DAPK1: variants seen among roughly 807,000 people sequenced by gnomAD.
DAPK1 encodes death associated protein kinase 1, also known as death-associated protein kinase 1.
A neutral mutation model predicts 144.9 loss-of-function variants in DAPK1; 56 were observed. The observed-to-expected ratio is 0.39, with a 90% confidence interval of 0.31 to 0.48. The LOEUF (loss-of-function observed/expected upper bound fraction) is 0.48. Ranked by LOEUF, DAPK1 falls within the 20% of genes least tolerant of loss-of-function variation. DAPK1 has a pLI of 0.95. For synonymous variants in DAPK1, 690 were observed against 749.0 expected, an observed-to-expected ratio of 0.92 and a Z score of 1.29; for missense variants, 1,454 against 1,875.4, an observed-to-expected ratio of 0.78 and a Z score of 4.15.
At chr9:87,571,373 C>T (rs902211490) in intron 2 of DAPK1, among the ~76,000 whole-genome samples, 1 of 150,802 alleles carries the variant, frequency 6.6e-6, no homozygotes, top group Admixed American at 6.6e-5. Context: ...GGGAACTTGG[C>T]TCTGTGGGGA....
intron 19 of DAPK1, among the ~76,000 whole-genome samples, chr9:87,678,305 TTGTGGG>T (rs1824477442): frequency 6.6e-6 from 1 of 152,204 alleles, no homozygotes; most frequent in African/African-American, 2.4e-5. Flanking sequence ...AACACAGACC[TTGTGGG>T]AGCATGCGCA....
chr9:87,514,640 G>A (rs867303051), intron 2 of DAPK1, among the ~76,000 whole-genome samples: 4 of 152,240 alleles, frequency 2.6e-5, no homozygotes, highest in African/African-American at 9.6e-5. Context: ...AATGATGGAA[G>A]GAGGGTTCGC....
intron 25 of DAPK1, among the ~76,000 whole-genome samples, chr9:87,703,979 T>C (rs911768762): frequency 6.6e-6 from 1 of 152,148 alleles, no homozygotes; most frequent in African/African-American, 2.4e-5. Context: ...TCTGAGATTA[T>C]TAAAAGCCAG....
At chr9:87,501,783 G>C (rs116527732) in intron 2 of DAPK1, among the ~76,000 whole-genome samples, 2 of 152,208 alleles carry the variant, frequency 1.3e-5, no homozygotes, top group South Asian at 4.1e-4. Flanking sequence ...CTCTGTCAAC[G>C]GTCAGGAACT....
intron 2 of DAPK1, among the ~76,000 whole-genome samples, chr9:87,543,406 TATGACTATGA>T (rs1362627875): frequency 3.3e-5 from 5 of 152,250 alleles, no homozygotes; most frequent in Admixed American, 3.3e-4. Context: ...AATAGTTGAA[TATGACTATGA>T]ATCATTTTGA....
chr9:87,620,286 C>T (rs1326417863), intron 3 of DAPK1, among the ~76,000 whole-genome samples: 7 of 152,176 alleles, frequency 4.6e-5, no homozygotes, highest in African/African-American at 1.4e-4. Flanking sequence ...ACAGCCTTAG[C>T]ACCTGCTGAG....
intron 3 of DAPK1, among the ~76,000 whole-genome samples, chr9:87,607,116 G>A (rs1222696956): frequency 2.0e-5 from 3 of 152,044 alleles, no homozygotes; most frequent in African/African-American, 4.8e-5. Flanking sequence ...TAAGGGGCCA[G>A]GAGATTAAGG....
intron 2 of DAPK1, among the ~76,000 whole-genome samples, chr9:87,575,242 A>AAAATG (rs1288768676): frequency 1.3e-5 from 1 of 77,122 alleles, no homozygotes; most frequent in African/African-American, 5.1e-5. Flanking sequence ...AAAATAAAAT[A>AAAATG]AAATAAAATA....
intron 3 of DAPK1, among the ~76,000 whole-genome samples, chr9:87,622,335 T>A (rs994173618): frequency 3.3e-5 from 5 of 152,056 alleles, no homozygotes; most frequent in Non-Finnish European, 7.4e-5. Flanking sequence ...CCAGACACCC[T>A]GCAGGGTGTG....
intron 19 of DAPK1, chr9:87,668,930 C>T (rs1831157522): frequency 6.8e-6 from 3 of 441,434 alleles, no homozygotes; most frequent in East Asian, 4.3e-5. Flanking sequence ...CTCCCACTCT[C>T]TCTATAATAA....
intron 24 of DAPK1, 151 bp from the exon 25 acceptor site, chr9:87,702,877 AG>A (rs1435006350): frequency 6.8e-6 from 4 of 590,048 alleles, no homozygotes; most frequent in Admixed American, 3.0e-5. Context: ...GTCTAAAAAA[AG>A]AAAAAAAAAC....
chr9:87,517,297 C>A (rs1278893986), intron 2 of DAPK1, among the ~76,000 whole-genome samples: 1 of 152,020 alleles, frequency 6.6e-6, no homozygotes. Context: ...CTGGGCCTCT[C>A]TTCTTCTCGG....
intron 2 of DAPK1, among the ~76,000 whole-genome samples, chr9:87,592,157 C>A (rs1246838398): frequency 6.6e-6 from 1 of 152,214 alleles, no homozygotes; most frequent in African/African-American, 2.4e-5. Flanking sequence ...ATGTTGACCC[C>A]AGCTCTGCAG....
intron 2 of DAPK1, among the ~76,000 whole-genome samples, chr9:87,532,670 A>G (rs1038620435): frequency 1.3e-5 from 2 of 152,228 alleles, no homozygotes; most frequent in African/African-American, 4.8e-5. Context: ...GTTGAATACA[A>G]GGAGCCAGGC....
At chr9:87,666,194 C>A (rs1225082050) in intron 18 of DAPK1, among the ~76,000 whole-genome samples, 1 of 152,130 alleles carries the variant, frequency 6.6e-6, no homozygotes, top group African/African-American at 2.4e-5. Context: ...GGTTTTCTCT[C>A]ACCTGCTCAA....
At chr9:87,498,206 G>T (rs750790591) in intron 1 of DAPK1, 99 bp downstream of exon 1, 9 of 396,392 alleles carry the variant, frequency 2.3e-5, no homozygotes, top group Non-Finnish European at 4.0e-5. Context: ...GCAGTGCCTC[G>T]AGCAACTGGG....
At chr9:87,517,994 C>T (rs193029600) in intron 2 of DAPK1, among the ~76,000 whole-genome samples, 4 of 152,218 alleles carry the variant, frequency 2.6e-5, no homozygotes, top group African/African-American at 9.6e-5. Flanking sequence ...TCCCAATCTG[C>T]CCCATAGCAC....
chr9:87,547,606 C>T (rs1015698849), intron 2 of DAPK1, among the ~76,000 whole-genome samples: 14 of 142,846 alleles, frequency 9.8e-5, no homozygotes, highest in African/African-American at 1.6e-4. Context: ...TGTGTGTGTG[C>T]GTGTGTGTAG....
intron 2 of DAPK1, among the ~76,000 whole-genome samples, chr9:87,520,520 A>AT (rs1192472167): frequency 7.9e-5 from 12 of 152,310 alleles, no homozygotes; most frequent in African/African-American, 2.9e-4. Flanking sequence ...CAGGTGCTTG[A>AT]AAGCCGGAAG....
Sources: allele counts gnomAD v4.1 joint callset (sites outside exome capture counted in the v4.1 genomes callset), GRCh38; gene constraint gnomAD v4.1.1; transcripts MANE v1.5; gene names NCBI Gene and HGNC (gene_info 2026-07-23, HGNC 2026-07-21).